The following HS6ST3 variants were observed in gnomAD, a reference collection of about 807,000 sequenced individuals.
HS6ST3 encodes the protein heparan sulfate 6-O-sulfotransferase 3, also known as heparan-sulfate 6-O-sulfotransferase 3.
Under a neutral mutation model 36.7 loss-of-function variants are expected in HS6ST3, and 12 were observed. That is an observed-to-expected ratio of 0.33 (90% CI 0.21 to 0.53). The LOEUF (loss-of-function observed/expected upper bound fraction) is 0.53, where lower values mean the gene tolerates loss of function less well. Ranked by LOEUF, HS6ST3 falls within the 20% of genes least tolerant of loss-of-function variation. The pLI, the probability that HS6ST3 is intolerant of heterozygous loss-of-function variation, is 0.95. For missense variants in HS6ST3, 584 were observed against 640.9 expected (o/e 0.91, Z 0.96); for synonymous variants, 240 against 257.5 (o/e 0.93, Z 0.65).
chr13:96,166,576 T>TTTTTTTTTTTTC, intron 1 of HS6ST3, among the ~76,000 whole-genome samples: 1 of 131,276 alleles, frequency 7.6e-6, no homozygotes, highest in African/African-American at 2.9e-5. Flanking sequence ...TCTTTCTTTC[T>TTTTTTTTTTTTC]TTTTTTTTTT....
chr13:96,494,091 C>G (rs2055960393), intron 1 of HS6ST3, among the ~76,000 whole-genome samples: 1 of 152,054 alleles, frequency 6.6e-6, no homozygotes, highest in Admixed American at 6.6e-5. Context: ...TGCGTAGAAC[C>G]ACGATGTACC....
In HS6ST3 at chr13:96,783,366, A is replaced by AT. The variant is rs536357125; in HGVS notation, c.708-49116dup. ...AACTAAACATCAGGAGGCTGGCTGAATTTTTTTTATTTTTATCCAGTGTTT... is the reference window on the plus strand; with the variant it reads ...AACTAAACATCAGGAGGCTGGCTGAATTTTTTTTTATTTTTATCCAGTGTTT... On this transcript the variant is annotated intron_variant, in intron 1 of 1. Transcript: ENST00000376705. 6.6e-5 allele frequency among the ~76,000 whole-genome samples: 10 copies of AT among 152,088 alleles called. No individual in the cohort carries two copies. The East Asian group carries it at 7.8e-4, about 12-fold the overall frequency.
chr13:96,556,005 G>T (rs1594806088), intron 1 of HS6ST3, among the ~76,000 whole-genome samples: 2 of 152,252 alleles, frequency 1.3e-5, no homozygotes, highest in Admixed American at 1.3e-4. Flanking sequence ...CCTTAAGTTA[G>T]CATCATAGAT....
In HS6ST3 at chr13:96,375,277, C is replaced by T. The variant is rs185848679; in HGVS notation, c.707+283708C>T. 5.9e-4 allele frequency among the ~76,000 whole-genome samples: 77 copies of T among 129,788 alleles called. 1 individual carries two copies. In the East Asian group the frequency reaches 0.016, roughly 26 times the overall value. 85.1% of individuals were successfully genotyped at this position (129,788 alleles called of 152,430 possible). A position where few individuals can be genotyped will look rare whatever the true frequency, so the allele number is the denominator to read the frequency against. ...TCCCCTCCAACTCCTAGGTGCTTCC[C>T]GTCACTCTGAATATTTTCTTTATAG... On this transcript the variant is annotated intron_variant, in intron 1 of 1. Coordinates refer to ENST00000376705, the MANE Select transcript of HS6ST3 (RefSeq NM_153456.4).
intron 1 of HS6ST3, among the ~76,000 whole-genome samples, chr13:96,554,600 A>G (rs2056232299): frequency 6.6e-6 from 1 of 152,180 alleles, no homozygotes; most frequent in African/African-American, 2.4e-5. Flanking sequence ...AACTGGTAAC[A>G]TTGCACAAAA....
intron 1 of HS6ST3, among the ~76,000 whole-genome samples, chr13:96,506,560 G>T (rs1442499817): frequency 6.6e-6 from 1 of 152,134 alleles, no homozygotes; most frequent in East Asian, 1.9e-4. Flanking sequence ...CCTATTGAAT[G>T]CTGCCTTTCC....
intron 1 of HS6ST3, among the ~76,000 whole-genome samples, chr13:96,367,082 A>G (rs2055266744): frequency 6.6e-6 from 1 of 152,218 alleles, no homozygotes. Flanking sequence ...TCAGCATGAG[A>G]ACAGACTAAT....
At chr13:96,759,929 G>C (rs1013106387) in intron 1 of HS6ST3, among the ~76,000 whole-genome samples, 8 of 151,846 alleles carry the variant, frequency 5.3e-5, no homozygotes, top group African/African-American at 1.9e-4. Flanking sequence ...TCTATTATTA[G>C]AGCCCCAAGC....
intron 1 of HS6ST3, among the ~76,000 whole-genome samples, chr13:96,122,590 C>G (rs1180632650): frequency 1.3e-5 from 2 of 152,070 alleles, no homozygotes; most frequent in Admixed American, 1.3e-4. Context: ...TAATCACATG[C>G]TTTATTAAGT....
intron 1 of HS6ST3, among the ~76,000 whole-genome samples, chr13:96,105,703 AAG>A (rs2053838442): frequency 6.6e-6 from 1 of 152,332 alleles, no homozygotes; most frequent in South Asian, 2.1e-4. Flanking sequence ...AATGGTTAGC[AAG>A]AGAGATATAA....
At chr13:96,798,943 C>T (rs896277693) in intron 1 of HS6ST3, among the ~76,000 whole-genome samples, 3 of 152,032 alleles carry the variant, frequency 2.0e-5, no homozygotes, top group Admixed American at 2.0e-4. Flanking sequence ...TTTTTCTGTA[C>T]ATATGTACCC....
chr13:96,399,364 A>G (rs998670118), intron 1 of HS6ST3, among the ~76,000 whole-genome samples: 4 of 152,166 alleles, frequency 2.6e-5, no homozygotes, highest in Admixed American at 2.0e-4. Context: ...TTTTTATTTT[A>G]TAGATGAGAA....
chr13:96,639,074 G>C (rs370753782), intron 1 of HS6ST3, among the ~76,000 whole-genome samples: 1 of 152,128 alleles, frequency 6.6e-6, no homozygotes, highest in East Asian at 1.9e-4. Context: ...GTTAGGTCCA[G>C]TTGGTTTGTA....
At chr13:96,547,372 C>T (rs1189361993) in intron 1 of HS6ST3, among the ~76,000 whole-genome samples, 2 of 152,136 alleles carry the variant, frequency 1.3e-5, no homozygotes, top group Admixed American at 6.5e-5. Flanking sequence ...GTTTGCCCAG[C>T]CCCTCAGTCT....
intron 1 of HS6ST3, among the ~76,000 whole-genome samples, chr13:96,759,194 G>A (rs2138498539): frequency 6.6e-6 from 1 of 151,580 alleles, no homozygotes; most frequent in Admixed American, 6.6e-5. Context: ...ATTAAATTTT[G>A]TCTCTCATAT....
chr13:96,697,599 A>T (rs1014977300), intron 1 of HS6ST3, among the ~76,000 whole-genome samples: 3 of 152,324 alleles, frequency 2.0e-5, no homozygotes, highest in African/African-American at 2.4e-5. Flanking sequence ...GAAATTTTTT[A>T]AAAATCCTAA....
chr13:96,574,026 G>T lies in HS6ST3; in HGVS notation c.708-258464G>T, dbSNP rs527440097. The T allele has an allele frequency of 1.3e-4, 68 of 543,400 alleles. 1 individual carries two copies. In the East Asian group the frequency reaches 3.3e-3, roughly 26 times the overall value. 33.7% of individuals were successfully genotyped at this position (543,400 alleles called of 1,614,324 possible). On this transcript the variant is annotated intron_variant, in intron 1 of 1. Coordinates refer to ENST00000376705, the MANE Select transcript of HS6ST3 (RefSeq NM_153456.4). ...CTTCCTAGATTCACCAATGACCCCT[G>T]TCTGCTCTTTGTGACATGGAAGACA...
chr13:96,303,315 C>T (rs1184217156), intron 1 of HS6ST3, among the ~76,000 whole-genome samples: 1 of 152,166 alleles, frequency 6.6e-6, no homozygotes, highest in Non-Finnish European at 1.5e-5. Flanking sequence ...AAGCTTAGAT[C>T]TAGTGAGGAC....
chr13:96,266,432 A>AACTGGCTGAAGT (rs1260708148), intron 1 of HS6ST3, among the ~76,000 whole-genome samples: 2 of 152,222 alleles, frequency 1.3e-5, no homozygotes, highest in Non-Finnish European at 2.9e-5. Context: ...AGGACAGGAT[A>AACTGGCTGAAGT]AACAGCAAGT....
Sources: allele counts gnomAD v4.1 joint callset (sites outside exome capture counted in the v4.1 genomes callset), GRCh38; gene constraint gnomAD v4.1.1; transcripts MANE v1.5; gene names NCBI Gene and HGNC (gene_info 2026-07-23, HGNC 2026-07-21).